IL1RAPL1: variants seen among roughly 807,000 people sequenced by gnomAD.
The protein encoded by IL1RAPL1 is interleukin 1 receptor accessory protein like 1, also known as interleukin-1 receptor accessory protein-like 1.
Under a neutral mutation model 48.4 loss-of-function variants are expected in IL1RAPL1, and 3 were observed. The ratio of observed to expected loss-of-function variants is 0.06; its 90% CI spans 0.03 to 0.16. IL1RAPL1 has a LOEUF of 0.16. Ranked by LOEUF, IL1RAPL1 falls within the 10% of genes least tolerant of loss-of-function variation. IL1RAPL1 has a pLI of 1.00. For synonymous variants in IL1RAPL1, 185 were observed against 187.7 expected (o/e 0.99, Z 0.12); for missense variants, 349 against 530.6 (o/e 0.66, Z 3.36).
intron 2 of IL1RAPL1, among the ~76,000 whole-genome samples, chrX:29,091,803 A>T (rs1188794306): frequency 1.8e-5 from 2 of 111,454 alleles, no homozygotes; most frequent in Non-Finnish European, 3.8e-5. Context: ...GTTTCCCTAA[A>T]ATGGAACTAG....
At position 28,898,211 on chromosome X, in the gene IL1RAPL1, C is replaced by G. The variant is rs12013146; in HGVS notation, c.82+108786C>G. ...TGATTTGAAAGTATTTTTTCTCATT[C>G]CTTGGGTTCCCTTTTTACTATCTGG... On this transcript the variant is annotated intron_variant, in intron 2 of 10. Coordinates refer to ENST00000378993, the MANE Select transcript of IL1RAPL1 (RefSeq NM_014271.4). Among the ~76,000 whole-genome samples the G allele has an allele frequency of 9.4e-3, 1,053 of 111,612 alleles. 11 individuals are homozygous for G. Among genetic ancestry groups the G allele is most frequent in the African/African-American group, 0.033 (1,005 of 30,667 alleles).
In IL1RAPL1 at chrX:29,730,473, C is replaced by T. The variant is rs1037678898; in HGVS notation, c.778+61969C>T. Among the ~76,000 whole-genome samples the T allele has an allele frequency of 4.5e-5, 5 of 111,931 alleles. No individual in the cohort carries two copies. The Admixed American group carries it at 4.8e-4, about 11-fold the overall frequency. On this transcript the variant is annotated intron_variant, in intron 6 of 10. Coordinates refer to ENST00000378993, the MANE Select transcript of IL1RAPL1 (RefSeq NM_014271.4). ...GTCCTCTTGTCAAGTCAAATGAAAA[C>T]TACTGATGGCCCCTTCCAAAAAAAA...
intron 3 of IL1RAPL1, among the ~76,000 whole-genome samples, chrX:29,319,709 G>A (rs754368682): frequency 9.1e-6 from 1 of 109,437 alleles, no homozygotes; most frequent in Admixed American, 9.9e-5. Context: ...TCAGCATAAA[G>A]CTCAATGGGT....
chrX:29,324,498 C>A (rs760559504), intron 3 of IL1RAPL1, among the ~76,000 whole-genome samples: 1 of 111,759 alleles, frequency 8.9e-6, no homozygotes, highest in African/African-American at 3.3e-5. Flanking sequence ...CTCTGTGCAG[C>A]GTTCCTTCCT....
chrX:28,791,833 T>G (rs1028240226), intron 2 of IL1RAPL1, among the ~76,000 whole-genome samples: 3 of 111,806 alleles, frequency 2.7e-5, no homozygotes, highest in African/African-American at 9.8e-5. Context: ...CTTGGACTGA[T>G]TTCAGCTGAT....
chrX:28,749,943 T>C (rs1044114923), intron 1 of IL1RAPL1, among the ~76,000 whole-genome samples: 2 of 108,384 alleles, frequency 1.8e-5, no homozygotes, highest in African/African-American at 6.9e-5. Flanking sequence ...AAAAGAAAAT[T>C]AATCACTTTC....
At chrX:29,595,520 T>C (rs750327079) in intron 5 of IL1RAPL1, among the ~76,000 whole-genome samples, 9 of 112,363 alleles carry the variant, frequency 8.0e-5, no homozygotes, top group Non-Finnish European at 1.3e-4. Flanking sequence ...GTATGCTTGT[T>C]GGCCATTTAT....
chrX:29,911,876 CT>C (rs1354722948), intron 6 of IL1RAPL1, among the ~76,000 whole-genome samples: 3 of 111,491 alleles, frequency 2.7e-5, no homozygotes, highest in Non-Finnish European at 5.7e-5. Flanking sequence ...AATACTCCCC[CT>C]ATCGTCTTTT....
intron 2 of IL1RAPL1, among the ~76,000 whole-genome samples, chrX:28,883,895 G>C (rs1338347079): frequency 8.9e-6 from 1 of 111,823 alleles, no homozygotes; most frequent in Non-Finnish European, 1.9e-5. Context: ...ACATATCTTA[G>C]AAGTGTTTCT....
intron 5 of IL1RAPL1, among the ~76,000 whole-genome samples, chrX:29,434,777 A>G (rs927688774): frequency 9.0e-6 from 1 of 111,081 alleles, no homozygotes; most frequent in African/African-American, 3.3e-5. Context: ...GTTTTAATTT[A>G]TAGTTTAGGT....
intron 2 of IL1RAPL1, among the ~76,000 whole-genome samples, chrX:29,199,770 G>C (rs138631989): frequency 9.0e-6 from 1 of 111,713 alleles, no homozygotes; most frequent in South Asian, 3.7e-4. Flanking sequence ...CGGCCTTGGG[G>C]TTGGGGACCT....
intron 6 of IL1RAPL1, among the ~76,000 whole-genome samples, chrX:29,725,894 C>A (rs1303484676): frequency 8.9e-6 from 1 of 112,273 alleles, no homozygotes. Context: ...CTGATATAAG[C>A]AATCAATCTG....
intron 1 of IL1RAPL1, among the ~76,000 whole-genome samples, chrX:28,667,774 C>G (rs116483753): frequency 0.044 from 4,939 of 111,601 alleles, 229 homozygotes; most frequent in Admixed American, 0.12. Flanking sequence ...GGTGAGAACC[C>G]TCTTCTTGTC....
At chrX:28,688,583 G>T (rs1434819030) in intron 1 of IL1RAPL1, among the ~76,000 whole-genome samples, 1 of 111,604 alleles carries the variant, frequency 9.0e-6, no homozygotes, top group East Asian at 2.8e-4. Context: ...TCACAATTCT[G>T]TGAATTAGGC....
At chrX:28,801,666 T>G (rs1449051521) in intron 2 of IL1RAPL1, among the ~76,000 whole-genome samples, 1 of 111,570 alleles carries the variant, frequency 9.0e-6, no homozygotes, top group Non-Finnish European at 1.9e-5. Context: ...ATTAGGTTGG[T>G]GCAAAAGTAA....
intron 3 of IL1RAPL1, among the ~76,000 whole-genome samples, chrX:29,347,803 A>C (rs1933171459): frequency 9.0e-6 from 1 of 111,620 alleles, no homozygotes; most frequent in Non-Finnish European, 1.9e-5. Flanking sequence ...TGGGACCCTG[A>C]TTAAGTAAAA....
At chrX:29,533,684 G>A (rs1171854594) in intron 5 of IL1RAPL1, among the ~76,000 whole-genome samples, 2 of 111,926 alleles carry the variant, frequency 1.8e-5, no homozygotes, top group Non-Finnish European at 3.8e-5. Flanking sequence ...GTATTCTAAA[G>A]TGACTGTACC....
chrX:28,669,706 A>G (rs930876233), intron 1 of IL1RAPL1, among the ~76,000 whole-genome samples: 3 of 104,583 alleles, frequency 2.9e-5, no homozygotes, highest in South Asian at 3.8e-4. Flanking sequence ...TATAAATTAT[A>G]TATAATTATA....
intron 2 of IL1RAPL1, among the ~76,000 whole-genome samples, chrX:29,197,692 G>C (rs1167452886): frequency 9.3e-6 from 1 of 107,664 alleles, no homozygotes; most frequent in Non-Finnish European, 1.9e-5. Flanking sequence ...TCTTTAAGGA[G>C]GTATTTCAGT....
Sources: allele counts gnomAD v4.1 joint callset (sites outside exome capture counted in the v4.1 genomes callset), GRCh38; gene constraint gnomAD v4.1.1; transcripts MANE v1.5; gene names NCBI Gene and HGNC (gene_info 2026-07-23, HGNC 2026-07-21).